ACP3: variants seen among roughly 807,000 people sequenced by gnomAD.
The protein encoded by ACP3 is prostatic acid phosphatase.
A neutral mutation model predicts 45.6 loss-of-function variants in ACP3; 38 were observed. The ratio of observed to expected loss-of-function variants is 0.83; its 90% CI spans 0.64 to 1.09. ACP3 has a LOEUF of 1.09. Ranked by LOEUF, ACP3 falls within the 50% of genes least tolerant of loss-of-function variation. ACP3 has a pLI of 0.00. For missense variants in ACP3, 466 were observed against 463.2 expected, an observed-to-expected ratio of 1.01 and a Z score of -0.05; for synonymous variants, 162 against 164.7, an observed-to-expected ratio of 0.98 and a Z score of 0.13.
intron 2 of ACP3, among the ~76,000 whole-genome samples, chr3:132,329,630 A>G (rs1576411138): frequency 1.3e-5 from 2 of 152,308 alleles, no homozygotes; most frequent in Non-Finnish European, 2.9e-5. Context: ...ATGTTTTCCC[A>G]TTAAGACCAA....
exon 11 of ACP3, chr3:132,368,063 G>A: frequency 4.7e-6 from 2 of 423,276 alleles, no homozygotes; most frequent in South Asian, 6.1e-5. Context: ...GCTAGAAAGA[G>A]GCTGTTATGC....
chr3:132,337,357 G>C (rs1448498818), intron 4 of ACP3, 99 bp from the exon 5 acceptor site: 1 of 683,418 alleles, frequency 1.5e-6, no homozygotes, highest in East Asian at 2.5e-5. Context: ...CTTTTATTAA[G>C]GTTGCTTTGA....
chr3:132,345,209 A>T, intron 7 of ACP3, 150 bp downstream of exon 7: 1 of 686,328 alleles, frequency 1.5e-6, no homozygotes, highest in Non-Finnish European at 2.4e-6. Flanking sequence ...GGGGATATTA[A>T]TGATACCTAC....
At position 132,332,308 on chromosome 3, in the gene ACP3, C is replaced by T. The variant is rs764299661; in HGVS notation, c.420C>T (p.Pro140=). ...GGAATCCTATCCTACTCTGGCAGCC[C>T]ATCCCGGTGCACACAGTTCCTCTTT... ...SIWNPILLWQ[P]IPVHTVPLSE... Residue 140 remains proline, a synonymous_variant, in exon 4 of 10, where the codon CCC becomes CCT. Transcript: ENST00000336375. 7 of 1,614,138 alleles carry T rather than the reference C, an allele frequency of 4.3e-6. No individual in the cohort carries two copies. In the South Asian group the frequency reaches 6.6e-5, roughly 15 times the overall value.
chr3:132,345,757 G>A (rs192446180), intron 7 of ACP3, among the ~76,000 whole-genome samples: 1 of 152,298 alleles, frequency 6.6e-6, no homozygotes, highest in Non-Finnish European at 1.5e-5. Context: ...GGCAGACCCA[G>A]GCAAGAGGAT....
At position 132,317,424 on chromosome 3, in the gene ACP3, T is replaced by G; in HGVS notation, c.-33T>G. 1 of 1,604,560 alleles carries G rather than the reference T, an allele frequency of 6.2e-7. No homozygotes were observed. The highest frequency in any genetic ancestry group is 1.1e-5 in the South Asian group (1 of 89,298). On this transcript the variant is annotated 5_prime_UTR_variant, in exon 1 of 10. Transcript: ENST00000336375. The stretch of plus-strand genomic sequence containing the variant: ...AGGCTTTTGAAGTGGTAGCAGTTCC[T>G]CCTAACTCCTGCCAGAAACAGCTCT...
In ACP3 at chr3:132,344,994, C is replaced by T. The variant is rs762922022; in HGVS notation, c.716C>T (p.Ser239Leu). Residue 239 changes from serine to leucine, a missense_variant, in exon 7 of 10, where the codon TCA (serine) becomes TTA (leucine). By Grantham distance (145) the Ser-to-Leu change is moderately radical. Coordinates refer to ENST00000336375, the MANE Select transcript of ACP3 (RefSeq NM_001099.5). Reference protein sequence around the residue: ...EDTMTKLRELSELSLLSLYGI... With the variant: ...EDTMTKLRELLELSLLSLYGI... ...ACCATGACTAAGTTGAGAGAATTGT[C>T]AGAATTGTCCCTCCTGTCCCTCTAT... The T allele has an allele frequency of 6.8e-6, 11 of 1,613,750 alleles. No homozygotes were observed. The highest frequency in any genetic ancestry group is 8.5e-7 in the Non-Finnish European group (1 of 1,179,904).
chr3:132,359,425 G>A (rs542665860), downstream of ACP3, among the ~76,000 whole-genome samples: 36 of 152,184 alleles, frequency 2.4e-4, no homozygotes, highest in South Asian at 5.2e-3. Context: ...GGAGAATGGC[G>A]TGAACCCGGG....
chr3:132,348,612 G>T (rs1937646455), intron 7 of ACP3, among the ~76,000 whole-genome samples: 1 of 152,156 alleles, frequency 6.6e-6, no homozygotes, highest in Non-Finnish European at 1.5e-5. Flanking sequence ...GCTCCCAAAA[G>T]CTTGGCCACA....
At position 132,332,481 on chromosome 3, in the gene ACP3, A is replaced by C. The variant is rs1233811101; in HGVS notation, c.456+137A>C. The C allele has an allele frequency of 1.1e-5, 12 of 1,067,284 alleles. No homozygotes were observed. In the East Asian group the frequency reaches 2.3e-4, roughly 21 times the overall value. 66.1% of individuals were successfully genotyped at this position (1,067,284 alleles called of 1,614,324 possible). A position where few individuals can be genotyped will look rare whatever the true frequency, so the allele number is the denominator to read the frequency against. ...TAATTCTTTCTTAAATAAAGATACA[A>C]AGGACAATTTAGGACATGGAAAACC... On this transcript the variant is annotated intron_variant, in intron 4 of 9. Coordinates refer to ENST00000336375, the MANE Select transcript of ACP3 (RefSeq NM_001099.5).
rs1937932207 is a variant in ACP3, at chr3:132,357,336, G to GCT, written c.*459_*460dup. 4.1e-6 allele frequency: 4 copies of GCT among 985,664 alleles called. No homozygotes were observed. In the South Asian group the frequency reaches 1.9e-4, roughly 46 times the overall value. The allele number at this position is 985,664 out of a possible 1,614,324, so 61.1% of individuals were successfully genotyped here. On this transcript the variant is annotated 3_prime_UTR_variant, in exon 10 of 10. Transcript: ENST00000336375. ...AACAAGGAAGGAAAGATGTGAATAG[G>GCT]CTGATGGGCAAAAAACCAATTTACC...
intron 10 of ACP3, among the ~76,000 whole-genome samples, chr3:132,367,312 G>A (rs1213044866): frequency 6.6e-6 from 1 of 152,128 alleles, no homozygotes; most frequent in Non-Finnish European, 1.5e-5. Flanking sequence ...TTTAAAAATC[G>A]AAGGATTTCA....
chr3:132,329,959 C>T (rs998511353), intron 2 of ACP3, among the ~76,000 whole-genome samples: 4 of 148,676 alleles, frequency 2.7e-5, no homozygotes, highest in Non-Finnish European at 4.5e-5. Context: ...ACTCTGTCCC[C>T]GCAGGCTGGA....
chr3:132,329,281 G>T, intron 2 of ACP3, among the ~76,000 whole-genome samples: 1 of 152,148 alleles, frequency 6.6e-6, no homozygotes. Context: ...AAAACATTGG[G>T]ATTATCTGGA....
downstream of ACP3, among the ~76,000 whole-genome samples, chr3:132,361,518 G>T (rs1486474221): frequency 6.6e-6 from 1 of 152,118 alleles, no homozygotes; most frequent in Non-Finnish European, 1.5e-5. Context: ...TCTGATCTGT[G>T]AGTAGAGCTG....
chr3:132,344,461 A>T lies in ACP3; in HGVS notation c.649-466A>T, dbSNP rs568742299. 4.6e-5 allele frequency among the ~76,000 whole-genome samples: 7 copies of T among 152,122 alleles called. No homozygotes were observed. The East Asian group carries it at 1.4e-3, about 29-fold the overall frequency. ...AATGTCTCTGAAAAAAAAAAAAGAA[A>T]AAAAAAGTCAGCAAACTAGACCTTG... is the stretch of plus-strand genomic sequence containing the variant. On this transcript the variant is annotated intron_variant, in intron 6 of 9. Transcript: ENST00000336375.
chr3:132,337,761 T>C (rs890888525), intron 5 of ACP3, among the ~76,000 whole-genome samples: 19 of 152,308 alleles, frequency 1.2e-4, no homozygotes, highest in African/African-American at 4.6e-4. Flanking sequence ...CACAAGCCAA[T>C]AGACAAGCCA....
intron 7 of ACP3, among the ~76,000 whole-genome samples, chr3:132,349,590 C>T (rs1398978876): frequency 6.6e-6 from 1 of 152,144 alleles, no homozygotes; most frequent in African/African-American, 2.4e-5. Flanking sequence ...TATCAGCCTC[C>T]TAACCTGAGC....
At position 132,345,066 on chromosome 3, in the gene ACP3, A is replaced by G. The variant is rs746010362; in HGVS notation, c.781+7A>G. ...AAATCTAGGCTCCAAGGGGGTAAGT[A>G]TTAAAAAATGAGAGGAGCATATTGG... On this transcript the variant is annotated splice_region_variant and intron_variant, in intron 7 of 9. Transcript: ENST00000336375. 1 of 1,611,792 alleles carries G rather than the reference A, an allele frequency of 6.2e-7. No individual in the cohort carries two copies. Among genetic ancestry groups the G allele is most frequent in the Non-Finnish European group, 8.5e-7 (1 of 1,178,762 alleles).
Sources: gnomAD v4.1 joint callset for allele counts (sites outside exome capture counted in the v4.1 genomes callset) on GRCh38, gnomAD v4.1.1 for gene constraint, MANE v1.5 for transcripts, NCBI Gene and HGNC (gene_info 2026-07-23, HGNC 2026-07-21) for gene names.